The following SYN3 variants were observed in gnomAD, a reference collection of about 807,000 sequenced individuals.
The protein encoded by SYN3 is synapsin-3.
In SYN3, 35 loss-of-function variants were observed where a neutral mutation model predicts 65.8. That is an observed-to-expected ratio of 0.53 (90% CI 0.41 to 0.70). SYN3 has a LOEUF of 0.70. SYN3 is among the 30% of genes least tolerant of loss of function. SYN3 has a pLI of 0.00. For synonymous variants in SYN3, 270 were observed against 292.9 expected (o/e 0.92, Z 0.80); for missense variants, 680 against 749.0 (o/e 0.91, Z 1.08).
intron 6 of SYN3, among the ~76,000 whole-genome samples, chr22:32,717,806 G>A (rs982662353): frequency 2.0e-5 from 3 of 152,074 alleles, no homozygotes; most frequent in Admixed American, 6.6e-5. Context: ...CCTGTCAAAC[G>A]CCTTCCACTG....
chr22:32,999,775 G>A (rs1169637638), intron 2 of SYN3, among the ~76,000 whole-genome samples: 1 of 152,202 alleles, frequency 6.6e-6, no homozygotes, highest in Admixed American at 6.5e-5. Context: ...GGGCAGGCAT[G>A]CTTATGACTT....
intron 2 of SYN3, among the ~76,000 whole-genome samples, chr22:32,986,702 G>A (rs984485299): frequency 1.4e-4 from 22 of 152,258 alleles, no homozygotes; most frequent in Non-Finnish European, 2.6e-4. Flanking sequence ...GGATGGACCC[G>A]CTGTGCCTAA....
At chr22:32,847,399 C>T (rs2048097421) in intron 6 of SYN3, among the ~76,000 whole-genome samples, 1 of 152,194 alleles carries the variant, frequency 6.6e-6, no homozygotes, top group South Asian at 2.1e-4. Context: ...CCACTCGCCT[C>T]CTCCTAATTT....
At chr22:32,985,431 T>C (rs757800498) in intron 2 of SYN3, among the ~76,000 whole-genome samples, 6 of 152,136 alleles carry the variant, frequency 3.9e-5, no homozygotes, top group Non-Finnish European at 8.8e-5. Context: ...TGGCTGGTGA[T>C]GGGGAAAAGA....
At chr22:32,667,057 CA>C (rs2060298758) in intron 6 of SYN3, among the ~76,000 whole-genome samples, 1 of 152,228 alleles carries the variant, frequency 6.6e-6, no homozygotes, top group Non-Finnish European at 1.5e-5. Flanking sequence ...CTGGCTAACA[CA>C]GTGAAACCCT....
intron 1 of SYN3, among the ~76,000 whole-genome samples, chr22:33,054,039 G>A (rs183629948): frequency 9.3e-4 from 141 of 152,294 alleles, no homozygotes; most frequent in Non-Finnish European, 1.6e-3. Context: ...TTGGACACGG[G>A]AGAGGGGGTT....
chr22:32,542,660 G>A lies in SYN3; in HGVS notation c.775-947C>T, dbSNP rs548792751. ...TGTGTGTGTGTGTGTGTGTGCGCGC[G>A]CACACAGGCACACACTGGAGAGGCC... On this transcript the variant is annotated intron_variant, in intron 7 of 13. Coordinates refer to ENST00000358763, the MANE Select transcript of SYN3 (RefSeq NM_003490.4). Among the ~76,000 whole-genome samples the A allele has an allele frequency of 1.8e-3, 274 of 148,966 alleles. 1 individual carries two copies. The highest frequency in any genetic ancestry group is 7.0e-3 in the Middle Eastern group (2 of 286).
intron 6 of SYN3, among the ~76,000 whole-genome samples, chr22:32,733,263 C>T (rs560205982): frequency 2.6e-5 from 4 of 152,284 alleles, no homozygotes; most frequent in African/African-American, 9.6e-5. Context: ...CTTACCCAAC[C>T]AGGATTTGTC....
chr22:32,711,775 C>G (rs1436273674), intron 6 of SYN3, among the ~76,000 whole-genome samples: 6 of 152,192 alleles, frequency 3.9e-5, no homozygotes, highest in Non-Finnish European at 8.8e-5. Context: ...GGACTTCTTA[C>G]CTAATTTTGT....
intron 4 of SYN3, among the ~76,000 whole-genome samples, chr22:32,911,590 T>G (rs1414760229): frequency 1.3e-5 from 2 of 152,090 alleles, no homozygotes; most frequent in Admixed American, 6.5e-5. Context: ...AGGAAGCAAA[T>G]GCAAGCCACA....
chr22:32,555,497 G>A (rs1379149338), intron 7 of SYN3, among the ~76,000 whole-genome samples: 2 of 152,186 alleles, frequency 1.3e-5, no homozygotes, highest in African/African-American at 2.4e-5. Context: ...TCCCAGCTTG[G>A]AGCATGCTCC....
chr22:32,897,585 A>G (rs1382364196), intron 4 of SYN3, among the ~76,000 whole-genome samples: 1 of 152,166 alleles, frequency 6.6e-6, no homozygotes, highest in Non-Finnish European at 1.5e-5. Context: ...TAGCTAGATG[A>G]TCTAGGTTCA....
At chr22:32,908,802 T>C (rs1472118668) in intron 4 of SYN3, among the ~76,000 whole-genome samples, 1 of 152,120 alleles carries the variant, frequency 6.6e-6, no homozygotes, top group South Asian at 2.1e-4. Flanking sequence ...GTTAATACTA[T>C]GGATTTAGAT....
intron 6 of SYN3, among the ~76,000 whole-genome samples, chr22:32,618,015 C>T (rs549697396): frequency 1.3e-5 from 2 of 152,254 alleles, no homozygotes; most frequent in Admixed American, 6.5e-5. Flanking sequence ...GTGACTCTCT[C>T]TCTGGCTAGA....
intron 4 of SYN3, among the ~76,000 whole-genome samples, chr22:32,919,068 G>A (rs2050265324): frequency 6.6e-6 from 1 of 152,188 alleles, no homozygotes; most frequent in African/African-American, 2.4e-5. Context: ...CAATCTTGAT[G>A]GATGAGAGCA....
intron 6 of SYN3, among the ~76,000 whole-genome samples, chr22:32,716,593 T>C (rs2147270570): frequency 6.6e-6 from 1 of 152,202 alleles, no homozygotes; most frequent in East Asian, 1.9e-4. Flanking sequence ...TGCAGTGGCA[T>C]GATCTCGGCT....
intron 6 of SYN3, among the ~76,000 whole-genome samples, chr22:32,780,983 T>TTCCTTCCTCCCTTCCTTCCTTCCTTCCC (rs2046041843): frequency 1.3e-5 from 1 of 78,136 alleles, no homozygotes; most frequent in South Asian, 6.2e-4. Context: ...CCTTCCCTCC[T>TTCCTTCCTCCCTTCCTTCCTTCCTTCCC]TCCTTCCTCT....
At chr22:32,683,938 C>A (rs1250264450) in intron 6 of SYN3, among the ~76,000 whole-genome samples, 1 of 152,128 alleles carries the variant, frequency 6.6e-6, no homozygotes, top group Non-Finnish European at 1.5e-5. Context: ...CTACTGGGGC[C>A]CTCACTGAAT....
chr22:32,518,091 TG>T lies in SYN3; in HGVS notation c.1561del (p.Gln521SerfsTer22). ...RPPVQGRSTS[Q>X]QGEESKKPAP... ...TGGCTTCTTGGACTCTTCACCCTGC[TG>T]GGAGGTACTACGGCCCTGCACAGGG... On this transcript the variant is annotated frameshift_variant, in exon 13 of 14. Transcript: ENST00000358763. LOFTEE classifies it high-confidence loss of function. 1 of 1,553,314 alleles carries T rather than the reference TG, an allele frequency of 6.4e-7. No homozygotes were observed. Among genetic ancestry groups the T allele is most frequent in the Non-Finnish European group, 8.7e-7 (1 of 1,152,728 alleles).
Sources: allele counts gnomAD v4.1 joint callset (sites outside exome capture counted in the v4.1 genomes callset), GRCh38; gene constraint gnomAD v4.1.1; transcripts MANE v1.5; gene names NCBI Gene and HGNC (gene_info 2026-07-23, HGNC 2026-07-21).